XRCC6: variants seen among roughly 807,000 people sequenced by gnomAD.
XRCC6 encodes the protein DNA repair protein Ku70.
A neutral mutation model predicts 65.7 loss-of-function variants in XRCC6; 5 were observed. That is an observed-to-expected ratio of 0.08 (90% CI 0.04 to 0.16). The LOEUF is 0.16. XRCC6 is among the 10% of genes least tolerant of loss of function. XRCC6 has a pLI of 1.00. For synonymous variants in XRCC6, 270 were observed against 270.6 expected (o/e 1.00, Z 0.02); for missense variants, 447 against 738.1 (o/e 0.61, Z 4.57).
At chr22:41,641,853 C>T (rs1449093844) in intron 6 of XRCC6, among the ~76,000 whole-genome samples, 1 of 152,162 alleles carries the variant, frequency 6.6e-6, no homozygotes, top group Non-Finnish European at 1.5e-5. Flanking sequence ...ACTGCAATGG[C>T]GCGATCTCGG....
At chr22:41,632,005 G>A (rs922506155) in intron 3 of XRCC6, among the ~76,000 whole-genome samples, 16 of 152,184 alleles carry the variant, frequency 1.1e-4, no homozygotes, top group Admixed American at 5.2e-4. Context: ...GCACGCGCCT[G>A]CAATCGCAGG....
At chr22:41,642,165 A>G (rs1441439916) in intron 6 of XRCC6, among the ~76,000 whole-genome samples, 1 of 152,184 alleles carries the variant, frequency 6.6e-6, no homozygotes, top group South Asian at 2.1e-4. Context: ...TGCAATAAAC[A>G]TGGGAGTGCA....
At chr22:41,647,638 T>G (rs1316963494) in intron 7 of XRCC6, among the ~76,000 whole-genome samples, 1 of 151,358 alleles carries the variant, frequency 6.6e-6, no homozygotes, top group Non-Finnish European at 1.5e-5. Flanking sequence ...GGTGTCAAAC[T>G]CCTGGTCTTA....
intron 11 of XRCC6, among the ~76,000 whole-genome samples, chr22:41,660,424 C>T (rs1412672828): frequency 1.3e-5 from 2 of 152,084 alleles, no homozygotes; most frequent in Admixed American, 6.6e-5. Flanking sequence ...TAAGTCCTGC[C>T]AGTTCTGTCA....
chr22:41,621,927 C>T, intron 1 of XRCC6, 63 bp from the exon 2 acceptor site: 1 of 1,495,362 alleles, frequency 6.7e-7, no homozygotes, highest in African/African-American at 1.4e-5. Flanking sequence ...TCACAAGAAC[C>T]TAGAGGTCGG....
chr22:41,638,572 T>A (rs2067836790), intron 6 of XRCC6, among the ~76,000 whole-genome samples: 1 of 151,978 alleles, frequency 6.6e-6, no homozygotes, highest in Non-Finnish European at 1.5e-5. Flanking sequence ...GATCACAAGT[T>A]CAAGAGATTG....
intron 8 of XRCC6, among the ~76,000 whole-genome samples, chr22:41,651,608 A>G (rs147125938): frequency 0.015 from 2,178 of 150,110 alleles, 45 homozygotes; most frequent in Admixed American, 0.058. Context: ...GCTCACTGCA[A>G]CCTCCACCTC....
At chr22:41,659,589 C>A (rs1181149098) in intron 11 of XRCC6, among the ~76,000 whole-genome samples, 1 of 152,114 alleles carries the variant, frequency 6.6e-6, no homozygotes, top group Non-Finnish European at 1.5e-5. Flanking sequence ...ATCCACCTGT[C>A]TCGGCCTCCC....
chr22:41,628,398 AAAT>A, intron 3 of XRCC6, 168 bp downstream of exon 3: 1 of 510,018 alleles, frequency 2.0e-6, no homozygotes, highest in Non-Finnish European at 3.5e-6. Context: ...TCTCTACAAA[AAAT>A]ACACAAATCA....
At chr22:41,646,167 G>A (rs1227433829) in intron 6 of XRCC6, among the ~76,000 whole-genome samples, 4 of 152,006 alleles carry the variant, frequency 2.6e-5, no homozygotes, top group South Asian at 2.1e-4. Context: ...GCTGGGTGTC[G>A]TGGCAGGTGC....
intron 2 of XRCC6, among the ~76,000 whole-genome samples, chr22:41,622,396 T>C (rs942724939): frequency 3.3e-5 from 5 of 152,118 alleles, no homozygotes; most frequent in Non-Finnish European, 5.9e-5. Flanking sequence ...TCCAGGAAAG[T>C]AGTGTTACCA....
chr22:41,657,490 TTTA>T (rs138171458), intron 10 of XRCC6, among the ~76,000 whole-genome samples: 5,487 of 138,156 alleles, frequency 0.04, 265 homozygotes, highest in African/African-American at 0.11. Context: ...TTTTTAAAAA[TTTA>T]TTATTATTAT....
chr22:41,626,128 G>A (rs950081040), intron 2 of XRCC6, among the ~76,000 whole-genome samples: 1 of 151,068 alleles, frequency 6.6e-6, no homozygotes. Context: ...ATGAGCCACC[G>A]TGCTTGGCCA....
chr22:41,630,957 C>A (rs948058018), intron 3 of XRCC6, among the ~76,000 whole-genome samples: 1 of 152,250 alleles, frequency 6.6e-6, no homozygotes, highest in Non-Finnish European at 1.5e-5. Context: ...CATCATGGCC[C>A]GTTCTCAATG....
chr22:41,648,829 G>A (rs889499706), intron 7 of XRCC6, among the ~76,000 whole-genome samples: 5 of 152,030 alleles, frequency 3.3e-5, no homozygotes, highest in African/African-American at 1.2e-4. Context: ...TTCATAGGCA[G>A]TAAGCTCTCT....
At chr22:41,646,664 G>A (rs1009045310) in intron 6 of XRCC6, among the ~76,000 whole-genome samples, 6 of 152,122 alleles carry the variant, frequency 3.9e-5, no homozygotes, top group Non-Finnish European at 7.4e-5. Context: ...AAAGGGATAC[G>A]CAACCTGTAG....
chr22:41,656,232 A>T (rs2068043711), intron 9 of XRCC6, among the ~76,000 whole-genome samples: 1 of 149,546 alleles, frequency 6.7e-6, no homozygotes, highest in African/African-American at 2.5e-5. Flanking sequence ...AAAAAAAAAA[A>T]GATGAAGGCT....
chr22:41,634,542 C>T (rs1601534610), intron 3 of XRCC6, among the ~76,000 whole-genome samples: 1 of 139,582 alleles, frequency 7.2e-6, no homozygotes, highest in East Asian at 2.1e-4. Context: ...AACTGATGAA[C>T]TCTCTTTTTT....
intron 3 of XRCC6, among the ~76,000 whole-genome samples, chr22:41,630,711 A>G (rs554161609): frequency 4.6e-5 from 7 of 152,192 alleles, no homozygotes; most frequent in Admixed American, 2.6e-4. Context: ...CTTAACGAGC[A>G]TGCTGCCTTC....
Sources: allele counts gnomAD v4.1 joint callset (sites outside exome capture counted in the v4.1 genomes callset), GRCh38; gene constraint gnomAD v4.1.1; transcripts MANE v1.5; gene names NCBI Gene and HGNC (gene_info 2026-07-23, HGNC 2026-07-21).